SLC6A5: variants seen among roughly 807,000 people sequenced by gnomAD.
The protein encoded by SLC6A5 is sodium- and chloride-dependent glycine transporter 2.
Under a neutral mutation model 90.5 loss-of-function variants are expected in SLC6A5, and 58 were observed. That is an observed-to-expected ratio of 0.64 (90% CI 0.52 to 0.80). The LOEUF (loss-of-function observed/expected upper bound fraction) is 0.80. Among genes scored for constraint, SLC6A5 ranks in the 30% least tolerant of loss-of-function variants. The pLI is 0.00. For synonymous variants in SLC6A5, 427 were observed against 401.4 expected (o/e 1.06, Z -0.76); for missense variants, 1,015 against 1,017.6 (o/e 1.00, Z 0.03).
chr11:20,658,969 A>G lies in SLC6A5; in HGVS notation c.*4101A>G, dbSNP rs963571102. ...TCTTTTGTGGGTACTGTTGCCCATG[A>G]ATAAACATATGTTCCCTAATCAGGT... On this transcript the variant is annotated 3_prime_UTR_variant, in exon 16 of 16. Transcript: ENST00000525748. The G allele has an allele frequency of 7.2e-5, 11 of 151,840 alleles. No homozygotes were observed. Among genetic ancestry groups the G allele is most frequent in the African/African-American group, 2.4e-4 (10 of 41,364 alleles). The allele number at this position is 151,840 out of a possible 1,614,324, so 9.4% of individuals were successfully genotyped here.
intron 2 of SLC6A5, among the ~76,000 whole-genome samples, chr11:20,603,006 T>C (rs1487426494): frequency 3.5e-5 from 5 of 143,226 alleles, no homozygotes; most frequent in African/African-American, 6.1e-5. Context: ...GTGGTCTGTG[T>C]GTGGGAGGAT....
chr11:20,629,154 T>C (rs376726511), intron 9 of SLC6A5: 12 of 152,096 alleles, frequency 7.9e-5, no homozygotes, highest in African/African-American at 2.9e-4. Flanking sequence ...GAATCTAGGA[T>C]GACTGAAGGT....
chr11:20,626,955 G>C, intron 8 of SLC6A5, 113 bp downstream of exon 8: 2 of 841,650 alleles, frequency 2.4e-6, no homozygotes, highest in South Asian at 1.4e-5. Flanking sequence ...GCTTTTATAA[G>C]AGCCTGATGA....
chr11:20,604,175 G>C (rs1211124567), intron 2 of SLC6A5, 111 bp from the exon 3 acceptor site: 2 of 1,378,172 alleles, frequency 1.5e-6, no homozygotes, highest in Admixed American at 2.2e-5. Context: ...CCTCGGTTGA[G>C]AAGTGGGAGC....
At chr11:20,604,974 GC>G (rs745641495) in intron 3 of SLC6A5, among the ~76,000 whole-genome samples, 9 of 152,192 alleles carry the variant, frequency 5.9e-5, no homozygotes, top group Non-Finnish European at 1.2e-4. Context: ...AAATCTTACA[GC>G]GAAAACAAGT....
At chr11:20,614,589 TGGCA>T in intron 5 of SLC6A5, 86 bp from the exon 6 acceptor site, 1 of 1,225,420 alleles carries the variant, frequency 8.2e-7, no homozygotes, top group Admixed American at 1.7e-5. Flanking sequence ...CAAATGTTTT[TGGCA>T]TTTGTTTTTA....
chr11:20,642,509 G>T (rs1853334076), intron 13 of SLC6A5, among the ~76,000 whole-genome samples: 1 of 152,112 alleles, frequency 6.6e-6, no homozygotes, highest in African/African-American at 2.4e-5. Flanking sequence ...GCATTTTTGA[G>T]AATCAGCTGC....
At chr11:20,646,970 C>A in intron 14 of SLC6A5, 36 bp downstream of exon 14, 1 of 1,297,354 alleles carries the variant, frequency 7.7e-7, no homozygotes, top group Non-Finnish European at 1.1e-6. Context: ...GCAGACAGCA[C>A]CTTGCATACG....
At position 20,601,167 on chromosome 11, in the gene SLC6A5, C is replaced by T; in HGVS notation, c.42C>T (p.Ala14=). The part of the protein sequence containing the change: ...SAPKEMNKLP[A]NSPEAAAAQG... ...CCAAGGAAATGAATAAACTGCCAGC[C>T]AACAGCCCGGAGGCGGCGGCGGCGC... Residue 14 remains alanine, a synonymous_variant, in exon 2 of 16, where the codon GCC becomes GCT. Coordinates refer to ENST00000525748, the MANE Select transcript of SLC6A5 (RefSeq NM_004211.5). 1 of 1,590,692 alleles carries T rather than the reference C, an allele frequency of 6.3e-7. No individual in the cohort carries two copies. The highest frequency in any genetic ancestry group is 1.7e-5 in the Admixed American group (1 of 59,038).
rs1476224918 is a variant in SLC6A5, at chr11:20,658,847, T to C, written c.*3979T>C. 6.6e-6 allele frequency: 1 copy of C among 152,134 alleles called. No homozygotes were observed. Among genetic ancestry groups the C allele is most frequent in the Non-Finnish European group, 1.5e-5 (1 of 68,034 alleles). The allele number at this position is 152,134 out of a possible 1,614,324, so 9.4% of individuals were successfully genotyped here. On this transcript the variant is annotated 3_prime_UTR_variant, in exon 16 of 16. Coordinates refer to ENST00000525748, the MANE Select transcript of SLC6A5 (RefSeq NM_004211.5). The stretch of plus-strand genomic sequence containing the variant: ...GTAATTGACTAAAAACTGTTTTGTC[T>C]CTCATTTGTTTGTGGTTTTTGCACT...
At chr11:20,644,970 C>T (rs1449985891) in intron 13 of SLC6A5, among the ~76,000 whole-genome samples, 1 of 150,330 alleles carries the variant, frequency 6.7e-6, no homozygotes, top group African/African-American at 2.5e-5. Flanking sequence ...CGTCACCATG[C>T]CCGGCTGATT....
chr11:20,632,363 G>T (rs1565283403), intron 10 of SLC6A5, among the ~76,000 whole-genome samples: 1 of 152,142 alleles, frequency 6.6e-6, no homozygotes, highest in Non-Finnish European at 1.5e-5. Flanking sequence ...ACTCTTTTCT[G>T]CTCCAGGAAA....
chr11:20,627,949 G>A (rs1796563840), intron 8 of SLC6A5, 31 bp from the exon 9 acceptor site: 2 of 1,558,872 alleles, frequency 1.3e-6, no homozygotes, highest in South Asian at 2.2e-5. Flanking sequence ...TCCTTCATGG[G>A]TCTTGAATCT....
chr11:20,601,287 C>A lies in SLC6A5; in HGVS notation c.162C>A (p.Ser54=). The A allele has an allele frequency of 1.3e-6, 2 of 1,589,130 alleles. No individual in the cohort carries two copies. Among genetic ancestry groups the A allele is most frequent in the Middle Eastern group, 3.5e-4 (2 of 5,642 alleles). The change falls in exon 2 of 16, where the codon TCC becomes TCA. Residue 54 remains serine, a synonymous_variant. Transcript: ENST00000525748. ...AAPPPPRVPR[S]ASTGAQTFQS... ...CGCCGCCGCCACGTGTGCCCAGGTC[C>A]GCTTCCACCGGCGCCCAAACTTTCC... is the stretch of plus-strand genomic sequence containing the variant.
At chr11:20,615,856 G>A (rs900864396) in intron 6 of SLC6A5, among the ~76,000 whole-genome samples, 3 of 152,202 alleles carry the variant, frequency 2.0e-5, no homozygotes, top group East Asian at 1.9e-4. Flanking sequence ...GCAAACCAAA[G>A]AGGCTGCCTG....
At chr11:20,650,161 G>A (rs530464465) in intron 14 of SLC6A5, among the ~76,000 whole-genome samples, 2 of 152,260 alleles carry the variant, frequency 1.3e-5, no homozygotes, top group African/African-American at 2.4e-5. Flanking sequence ...AGAGAGGGGT[G>A]GGGAGAGGAG....
intron 14 of SLC6A5, among the ~76,000 whole-genome samples, chr11:20,650,727 C>T (rs1189517504): frequency 2.8e-5 from 4 of 140,376 alleles, no homozygotes; most frequent in African/African-American, 5.6e-5. Flanking sequence ...AGTGCAGTGG[C>T]GCGATCTCGG....
At chr11:20,615,743 C>T (rs1237767304) in intron 6 of SLC6A5, among the ~76,000 whole-genome samples, 1 of 150,422 alleles carries the variant, frequency 6.6e-6, no homozygotes, top group Non-Finnish European at 1.5e-5. Flanking sequence ...TCTAGCTAAA[C>T]TTTAATTCAG....
In SLC6A5 at chr11:20,637,274, TTCA is replaced by T; in HGVS notation, c.1845_1847del (p.Ile615del). On this transcript the variant is annotated inframe_deletion, in exon 12 of 16. Transcript: ENST00000525748. ...TACTCTGGGCTGCTGCATTTGTTTC[TTCA>T]TCATGGGTTTTCCAATGATCACTCA... The T allele has an allele frequency of 1.2e-6, 2 of 1,613,978 alleles. No individual in the cohort carries two copies. The highest frequency in any genetic ancestry group is 1.7e-6 in the Non-Finnish European group (2 of 1,179,958).
Sources: allele counts gnomAD v4.1 joint callset (sites outside exome capture counted in the v4.1 genomes callset), GRCh38; gene constraint gnomAD v4.1.1; transcripts MANE v1.5; gene names NCBI Gene and HGNC (gene_info 2026-07-23, HGNC 2026-07-21).